Variants in ZNF451 observed in about 807,000 individuals in gnomAD.
ZNF451 encodes the protein E3 SUMO-protein ligase ZNF451.
A neutral mutation model predicts 107.1 loss-of-function variants in ZNF451; 80 were observed. The ratio of observed to expected loss-of-function variants is 0.75; its 90% CI spans 0.62 to 0.90. The LOEUF (loss-of-function observed/expected upper bound fraction) is 0.90. ZNF451 is among the 40% of genes least tolerant of loss of function. The probability of loss-of-function intolerance (pLI) is 0.00; values close to 1 mark genes in which losing one functional copy is unlikely to be tolerated. For synonymous variants in ZNF451, 362 were observed against 406.5 expected, an observed-to-expected ratio of 0.89 and a Z score of 1.32; for missense variants, 1,107 against 1,236.2, an observed-to-expected ratio of 0.90 and a Z score of 1.57.
Position 57,154,033 on chromosome 6 carries a change from CT to C in ZNF451, c.3057del (p.Asp1020IlefsTer19), listed in dbSNP as rs1421004752. The C allele has an allele frequency of 1.2e-6, 2 of 1,614,050 alleles. No individual in the cohort carries two copies. Among genetic ancestry groups the C allele is most frequent in the Non-Finnish European group, 1.7e-6 (2 of 1,180,048 alleles). ...DMMCALLNSI[S>X]DTTKECDSDD... ...ATGTGTGCCTTGTTAAATAGCATAT[CT>C]GATACCACCAAAGGTACGCAGCTGC... On this transcript the variant is annotated frameshift_variant, in exon 13 of 15. Transcript: ENST00000370706. LOFTEE classifies it high-confidence loss of function.
chr6:57,160,355 C>T (rs1763618052), intron 13 of ZNF451, among the ~76,000 whole-genome samples: 1 of 150,832 alleles, frequency 6.6e-6, no homozygotes. Context: ...TCATTTGAGA[C>T]AGGGTCCCAC....
chr6:57,138,106 C>T (rs985082780), intron 7 of ZNF451, among the ~76,000 whole-genome samples: 26 of 152,118 alleles, frequency 1.7e-4, no homozygotes, highest in Admixed American at 5.2e-4. Flanking sequence ...ATTCCTCTAA[C>T]GAGTTAAATT....
chr6:57,101,687 T>A (rs896659758), intron 3 of ZNF451: 1 of 1,550,540 alleles, frequency 6.4e-7, no homozygotes, highest in African/African-American at 1.4e-5. Context: ...AGATGCATAA[T>A]ATCTGATGGT....
intron 5 of ZNF451, among the ~76,000 whole-genome samples, 172 bp from the exon 6 acceptor site, chr6:57,132,870 T>A (rs1250952002): frequency 6.6e-6 from 1 of 152,116 alleles, no homozygotes; most frequent in Non-Finnish European, 1.5e-5. Flanking sequence ...TCATAACTTA[T>A]TTACTTTTAG....
At chr6:57,099,445 T>A (rs547717874) in intron 3 of ZNF451, 1 of 716,350 alleles carries the variant, frequency 1.4e-6, no homozygotes, top group East Asian at 2.7e-5. Context: ...CTCTTTCCCT[T>A]CTCTTTTCCT....
rs1002785119 is a variant in ZNF451, at chr6:57,148,309, C to G, written c.2224C>G (p.Leu742Val). ...VNRKEDYSRCLQIMLDKGKLW... is the reference protein window; with the variant it reads ...VNRKEDYSRCVQIMLDKGKLW... The stretch of plus-strand genomic sequence containing the variant: ...CAGAAAAGAAGATTATAGCAGATGT[C>G]TCCAAATCATGCTGGATAAAGGAAA... Residue 742 changes from leucine (L) to valine (V), a missense_variant, in exon 10 of 15, where the codon CTC becomes GTC. Coordinates refer to ENST00000370706, the MANE Select transcript of ZNF451 (RefSeq NM_001031623.3). 1 of 1,613,920 alleles carries G rather than the reference C, an allele frequency of 6.2e-7. No individual in the cohort carries two copies. The highest frequency in any genetic ancestry group is 1.3e-5 in the African/African-American group (1 of 74,920).
At chr6:57,104,020 A>G (rs1829730529) in intron 3 of ZNF451, 3 of 985,094 alleles carry the variant, frequency 3.0e-6, no homozygotes, top group Non-Finnish European at 3.6e-6. Flanking sequence ...TTAAACTTGA[A>G]CTAGTCTTAA....
At chr6:57,110,396 A>T (rs1830055972) in intron 3 of ZNF451, among the ~76,000 whole-genome samples, 1 of 152,152 alleles carries the variant, frequency 6.6e-6, no homozygotes, top group African/African-American at 2.4e-5. Flanking sequence ...TCCATTATGT[A>T]CATCTAGAAC....
chr6:57,100,878 C>A (rs1228834069), intron 3 of ZNF451: 16 of 1,550,120 alleles, frequency 1.0e-5, no homozygotes, highest in Non-Finnish European at 1.4e-5. Context: ...TTCTGGTCCC[C>A]CAAGAATCTT....
At chr6:57,117,572 C>A (rs866137975) in intron 3 of ZNF451, among the ~76,000 whole-genome samples, 1 of 151,948 alleles carries the variant, frequency 6.6e-6, no homozygotes, top group Non-Finnish European at 1.5e-5. Flanking sequence ...TTTGATAGCA[C>A]GTGAGTATAA....
intron 14 of ZNF451, among the ~76,000 whole-genome samples, chr6:57,163,116 C>T (rs1178074842): frequency 2.6e-5 from 4 of 152,108 alleles, no homozygotes; most frequent in Non-Finnish European, 1.5e-5. Flanking sequence ...CACCCTTCTT[C>T]TTTTCCCCTC....
intron 2 of ZNF451, among the ~76,000 whole-genome samples, chr6:57,098,169 C>T (rs1465936262): frequency 2.7e-5 from 4 of 149,428 alleles, no homozygotes; most frequent in Admixed American, 6.6e-5. Context: ...GGAGTTTTAC[C>T]ATGTTGGTCA....
chr6:57,117,573 G>A (rs1284982425), intron 3 of ZNF451, among the ~76,000 whole-genome samples: 1 of 152,072 alleles, frequency 6.6e-6, no homozygotes, highest in African/African-American at 2.4e-5. Flanking sequence ...TTGATAGCAC[G>A]TGAGTATAAT....
In ZNF451 at chr6:57,124,787, A is replaced by G; in HGVS notation, c.240A>G (p.Leu80=). ...ATTATCAGAAGGATAAAGTTGCTTT[A>G]ACTCTGGCTCGTCTAGCCCGCCATG... ...HIDYQKDKVA[L]TLARLARHVE... Residue 80 remains leucine, a synonymous_variant, in exon 4 of 15, where the codon TTA becomes TTG. Transcript: ENST00000370706. 5.0e-6 allele frequency: 8 copies of G among 1,609,258 alleles called. No individual in the cohort carries two copies. Among genetic ancestry groups the G allele is most frequent in the East Asian group, 4.5e-5 (2 of 44,804 alleles).
chr6:57,103,349 A>G, intron 3 of ZNF451: 9 of 985,466 alleles, frequency 9.1e-6, no homozygotes, highest in Non-Finnish European at 9.6e-6. Context: ...TCAAGATTTA[A>G]GTGATACGCT....
At position 57,148,117 on chromosome 6, in the gene ZNF451, G is replaced by A. The variant is rs762222395; in HGVS notation, c.2032G>A (p.Val678Met). The A allele has an allele frequency of 2.2e-5, 36 of 1,613,950 alleles. No homozygotes were observed. The highest frequency in any genetic ancestry group is 2.8e-5 in the Non-Finnish European group (33 of 1,179,982). The change falls in exon 10 of 15, where the codon GTG (valine) becomes ATG (methionine). Residue 678 changes from valine (V) to methionine (M), a missense_variant. By Grantham distance (21) the Val-to-Met change is conservative (BLOSUM62 1). Coordinates refer to ENST00000370706, the MANE Select transcript of ZNF451 (RefSeq NM_001031623.3). The part of the protein sequence containing the change: ...FCGLCDLIFN[V>M]EEAFLSHYEE... ...TGGGCTTTGTGATCTTATCTTTAATGTGGAAGAAGCATTTCTGAGTCATTA... is the reference window on the plus strand; with the variant it reads ...TGGGCTTTGTGATCTTATCTTTAATATGGAAGAAGCATTTCTGAGTCATTA...
Position 57,109,467 on chromosome 6 carries a change from C to T in ZNF451, c.186+10326C>T, listed in dbSNP as rs114993357. 1,201 of 985,372 alleles carry T rather than the reference C, an allele frequency of 1.2e-3. 5 individuals are homozygous for T. In the African/African-American group the frequency reaches 0.015, roughly 13 times the overall value. The allele number at this position is 985,372 out of a possible 1,614,324, so 61.0% of individuals were successfully genotyped here. A position where few individuals can be genotyped will look rare whatever the true frequency, so the allele number is the denominator to read the frequency against. On this transcript the variant is annotated intron_variant, in intron 3 of 14. Transcript: ENST00000370706. Reference sequence around the variant, plus strand: ...TCTTACTCTCAAATGAGGTAATATCCGAAAGTACTTTGACAACACACTAAA... The same window carrying T: ...TCTTACTCTCAAATGAGGTAATATCTGAAAGTACTTTGACAACACACTAAA...
chr6:57,115,281 A>C (rs549271549), intron 3 of ZNF451: 1 of 152,150 alleles, frequency 6.6e-6, no homozygotes, highest in East Asian at 1.9e-4. Context: ...AAAAGTATCT[A>C]ATTGATTGAT....
intron 3 of ZNF451, chr6:57,107,986 C>T (rs979051816): frequency 2.5e-5 from 12 of 472,670 alleles, no homozygotes; most frequent in Non-Finnish European, 1.4e-5. Flanking sequence ...CTACAGGCGC[C>T]CGCCACCACA....
Sources: allele counts gnomAD v4.1 joint callset (sites outside exome capture counted in the v4.1 genomes callset), GRCh38; gene constraint gnomAD v4.1.1; transcripts MANE v1.5; gene names NCBI Gene and HGNC (gene_info 2026-07-23, HGNC 2026-07-21).